PHF21A: variants seen among roughly 807,000 people sequenced by gnomAD.
PHF21A encodes BHC80a.
In PHF21A, 11 loss-of-function variants were observed where a neutral mutation model predicts 82.5. The observed-to-expected ratio is 0.13, with a 90% confidence interval of 0.08 to 0.22. The LOEUF (loss-of-function observed/expected upper bound fraction) is 0.22, where lower values mean the gene tolerates loss of function less well. Ranked by LOEUF, PHF21A falls within the 10% of genes least tolerant of loss-of-function variation. The probability of loss-of-function intolerance (pLI) is 1.00; values close to 1 mark genes in which losing one functional copy is unlikely to be tolerated. For synonymous variants in PHF21A, 297 were observed against 302.8 expected, an observed-to-expected ratio of 0.98 and a Z score of 0.20; for missense variants, 579 against 837.8, an observed-to-expected ratio of 0.69 and a Z score of 3.81.
intron 6 of PHF21A, among the ~76,000 whole-genome samples, chr11:46,029,514 CCT>C (rs779073402): frequency 6.6e-6 from 1 of 152,090 alleles, no homozygotes; most frequent in Non-Finnish European, 1.5e-5. Flanking sequence ...ATGGTGAAAC[CCT>C]GTCTCTACTA....
chr11:46,045,752 C>T (rs974972859), intron 6 of PHF21A, among the ~76,000 whole-genome samples: 1 of 152,134 alleles, frequency 6.6e-6, no homozygotes, highest in Non-Finnish European at 1.5e-5. Context: ...TTTTTGGAAG[C>T]CCTACTCTTG....
intron 8 of PHF21A, 115 bp from the exon 9 acceptor site, chr11:45,970,019 T>G: frequency 1.3e-6 from 1 of 771,686 alleles, no homozygotes; most frequent in Admixed American, 2.2e-5. Context: ...CAAGCTTTCA[T>G]CGTAAGTTAA....
chr11:46,000,467 T>C (rs2095081454), intron 6 of PHF21A, among the ~76,000 whole-genome samples: 2 of 151,946 alleles, frequency 1.3e-5, no homozygotes, highest in Admixed American at 1.3e-4. Flanking sequence ...TACCAGAAAC[T>C]AGGTAACAGT....
At chr11:45,990,025 A>AT (rs2136613156) in intron 6 of PHF21A, among the ~76,000 whole-genome samples, 1 of 152,190 alleles carries the variant, frequency 6.6e-6, no homozygotes, top group East Asian at 1.9e-4. Flanking sequence ...AAGAAAGAGA[A>AT]TTTTTTAAAT....
intron 1 of PHF21A, among the ~76,000 whole-genome samples, chr11:46,097,323 A>G (rs1310917866): frequency 3.3e-5 from 5 of 152,038 alleles, no homozygotes; most frequent in Non-Finnish European, 7.4e-5. Flanking sequence ...GCACTGAGTG[A>G]TTTGGGCCTC....
At chr11:46,015,939 CAGA>C (rs1319868933) in intron 6 of PHF21A, among the ~76,000 whole-genome samples, 4 of 123,778 alleles carry the variant, frequency 3.2e-5, no homozygotes, top group South Asian at 5.5e-4. Context: ...TCTATCTATG[CAGA>C]AGGAGTATAT....
chr11:46,079,830 T>TGGAAA (rs773773637), intron 4 of PHF21A, among the ~76,000 whole-genome samples: 2 of 70,966 alleles, frequency 2.8e-5, no homozygotes, highest in African/African-American at 5.8e-5. Context: ...CCCAAACAAA[T>TGGAAA]GGAAAGGAAA....
At chr11:45,985,859 A>G (rs1337898721) in intron 6 of PHF21A, among the ~76,000 whole-genome samples, 1 of 152,160 alleles carries the variant, frequency 6.6e-6, no homozygotes, top group Non-Finnish European at 1.5e-5. Context: ...ATTTGGGGAC[A>G]TAATTATTTT....
rs1853208609 is a variant in PHF21A at position 46,121,252 on chromosome 11, G to C, written c.-554C>G. 6.6e-6 allele frequency: 1 copy of C among 151,560 alleles called. No individual in the cohort carries two copies. The highest frequency in any genetic ancestry group is 6.6e-5 in the Admixed American group (1 of 15,168). 9.4% of individuals were successfully genotyped at this position (151,560 alleles called of 1,614,324 possible). On this transcript the variant is annotated 5_prime_UTR_variant, in exon 1 of 19. Transcript: ENST00000676320. The stretch of plus-strand genomic sequence containing the variant: ...CCCAGGCAAGGGGGGGTGGGGAGGA[G>C]GGGGTTGGGGGGAGGAACTGGATCC...
intron 6 of PHF21A, among the ~76,000 whole-genome samples, chr11:46,001,390 C>T (rs1423990330): frequency 6.6e-6 from 1 of 150,748 alleles, no homozygotes; most frequent in African/African-American, 2.4e-5. Context: ...AAAGTATTGC[C>T]ATGTACTTAG....
chr11:45,984,364 C>T (rs990782307), intron 6 of PHF21A, among the ~76,000 whole-genome samples: 1 of 152,138 alleles, frequency 6.6e-6, no homozygotes, highest in Admixed American at 6.6e-5. Flanking sequence ...AACAAGGAGC[C>T]TTAGATTCCC....
At chr11:45,949,147 C>T (rs1020856314) in intron 13 of PHF21A, among the ~76,000 whole-genome samples, 1 of 152,072 alleles carries the variant, frequency 6.6e-6, no homozygotes, top group African/African-American at 2.4e-5. Context: ...CCTCTGTTGC[C>T]GATGACAGCT....
At chr11:45,994,737 TCAACCCAGCTCTG>T (rs1012091720) in intron 6 of PHF21A, among the ~76,000 whole-genome samples, 4 of 152,206 alleles carry the variant, frequency 2.6e-5, no homozygotes, top group Non-Finnish European at 2.9e-5. Flanking sequence ...AAGCTCTAAA[TCAACCCAGCTCTG>T]CAACCCAGCT....
chr11:46,020,185 T>G (rs2095601516), intron 6 of PHF21A, among the ~76,000 whole-genome samples: 2 of 152,198 alleles, frequency 1.3e-5, no homozygotes, highest in African/African-American at 4.8e-5. Flanking sequence ...TGATCCCTAC[T>G]TTGTGGCATC....
chr11:46,058,806 A>T (rs1049029176), intron 6 of PHF21A, among the ~76,000 whole-genome samples: 1 of 152,224 alleles, frequency 6.6e-6, no homozygotes, highest in African/African-American at 2.4e-5. Flanking sequence ...AGAACAAGCC[A>T]GTGGGTCTGG....
intron 6 of PHF21A, among the ~76,000 whole-genome samples, chr11:46,058,345 A>C (rs2096488867): frequency 6.6e-6 from 1 of 152,176 alleles, no homozygotes. Flanking sequence ...TGGTAAAACG[A>C]AACCTGATTA....
intron 6 of PHF21A, among the ~76,000 whole-genome samples, chr11:46,066,642 C>T (rs1003338634): frequency 1.3e-5 from 2 of 152,026 alleles, no homozygotes; most frequent in Admixed American, 6.6e-5. Context: ...AAGACTCCAG[C>T]GAGCTATGAT....
At chr11:46,022,994 G>C (rs1169269845) in intron 6 of PHF21A, among the ~76,000 whole-genome samples, 2 of 152,096 alleles carry the variant, frequency 1.3e-5, no homozygotes, top group African/African-American at 4.8e-5. Flanking sequence ...CAGGTGATCT[G>C]TCTGCCTTGG....
At chr11:46,011,959 A>G (rs1376147143) in intron 6 of PHF21A, among the ~76,000 whole-genome samples, 1 of 152,218 alleles carries the variant, frequency 6.6e-6, no homozygotes, top group Non-Finnish European at 1.5e-5. Flanking sequence ...CCTTCACTCT[A>G]TCTAGATTTC....
Sources: allele counts gnomAD v4.1 joint callset (sites outside exome capture counted in the v4.1 genomes callset), GRCh38; gene constraint gnomAD v4.1.1; transcripts MANE v1.5; gene names NCBI Gene and HGNC (gene_info 2026-07-23, HGNC 2026-07-21).